ANK2: variants seen among roughly 807,000 people sequenced by gnomAD.
The protein encoded by ANK2 is ankyrin-2.
ANK2 carries 83 observed loss-of-function variants against 360.5 expected under a neutral mutation model. The observed-to-expected ratio is 0.23, with a 90% CI of 0.19 to 0.28. The LOEUF is 0.28. Ranked by LOEUF, ANK2 falls within the 10% of genes least tolerant of loss-of-function variation. The pLI, the probability that ANK2 is intolerant of heterozygous loss-of-function variation, is 1.00. For missense variants in ANK2, 4,201 were observed against 4,795.7 expected, an observed-to-expected ratio of 0.88 and a Z score of 3.66; for synonymous variants, 1,740 against 1,759.5, an observed-to-expected ratio of 0.99 and a Z score of 0.28.
At chr4:112,726,990 A>G in the ANK2 span, among the ~76,000 whole-genome samples, 1 of 152,022 alleles carries the variant, frequency 6.6e-6, no homozygotes, top group African/African-American at 2.4e-5. Flanking sequence ...GTTTATAAAT[A>G]TGTATCCATA....
upstream of ANK2, among the ~76,000 whole-genome samples, chr4:112,813,547 A>T (rs1233420183): frequency 6.8e-6 from 1 of 146,618 alleles, no homozygotes; most frequent in East Asian, 1.9e-4. Flanking sequence ...TTATTTATTT[A>T]TTTATTGAGA....
intron 1 of ANK2, among the ~76,000 whole-genome samples, chr4:113,163,967 A>G (rs114368577): frequency 0.036 from 5,473 of 151,970 alleles, 160 homozygotes; most frequent in Non-Finnish European, 0.054. Context: ...GTCATTCTCC[A>G]TTTCTCTACC....
chr4:112,815,560 A>T (rs2055569831), upstream of ANK2, among the ~76,000 whole-genome samples: 1 of 152,220 alleles, frequency 6.6e-6, no homozygotes, highest in Admixed American at 6.5e-5. Flanking sequence ...TGGTGGGGGC[A>T]GGGGCCTGCC....
chr4:113,348,711 A>C (rs1384699043), intron 36 of ANK2, among the ~76,000 whole-genome samples: 1 of 152,086 alleles, frequency 6.6e-6, no homozygotes, highest in Non-Finnish European at 1.5e-5. Context: ...TTAAACTTCT[A>C]TATCCTCACA....
intron 41 of ANK2, among the ~76,000 whole-genome samples, chr4:113,365,962 CT>C (rs1212179413): frequency 1.3e-5 from 2 of 152,100 alleles, no homozygotes; most frequent in African/African-American, 4.8e-5. Flanking sequence ...ATTTCATCTC[CT>C]TTTACTCAAT....
chr4:113,372,214 T>C (rs180829827), intron 43 of ANK2, among the ~76,000 whole-genome samples: 1 of 152,316 alleles, frequency 6.6e-6, no homozygotes, highest in Admixed American at 6.5e-5. Flanking sequence ...TCAGGCTTTT[T>C]TTTTAGGAGT....
intron 2 of ANK2, among the ~76,000 whole-genome samples, chr4:112,952,504 GA>G (rs2095089744): frequency 6.6e-6 from 1 of 152,162 alleles, no homozygotes; most frequent in South Asian, 2.1e-4. Flanking sequence ...AGCCATGAAA[GA>G]GACCATTCTT....
chr4:112,965,070 C>G (rs370120519), intron 2 of ANK2, among the ~76,000 whole-genome samples: 1 of 152,136 alleles, frequency 6.6e-6, no homozygotes, highest in East Asian at 1.9e-4. Context: ...TTTTGAGGAA[C>G]CTCCAAACTA....
chr4:113,167,595 C>T (rs547514866), intron 1 of ANK2, among the ~76,000 whole-genome samples: 3 of 152,124 alleles, frequency 2.0e-5, no homozygotes, highest in African/African-American at 7.2e-5. Context: ...CCACTGCGCC[C>T]GGCCAGGTCA....
chr4:113,353,409 T>C lies in ANK2; in HGVS notation c.4791T>C (p.Asp1597=), dbSNP rs760330010. Reference sequence around the variant, plus strand: ...AAGAGGAATGGGTTATTGTCAGTGATGAGGAAATAGAAGAGGCTAGGCAAA... The same window carrying C: ...AAGAGGAATGGGTTATTGTCAGTGACGAGGAAATAGAAGAGGCTAGGCAAA... ...LVEEEWVIVS[D]EEIEEARQKA... Residue 1597 remains aspartate, a synonymous_variant, in exon 38 of 46, where the codon GAT becomes GAC. Transcript: ENST00000357077. 13 of 1,613,974 alleles carry C rather than the reference T, an allele frequency of 8.1e-6. No individual in the cohort carries two copies. In the Admixed American group the frequency reaches 8.3e-5, roughly 10 times the overall value.
At chr4:113,362,404 G>A (rs1186613680) in intron 39 of ANK2, among the ~76,000 whole-genome samples, 1 of 152,072 alleles carries the variant, frequency 6.6e-6, no homozygotes, top group Non-Finnish European at 1.5e-5. Context: ...TAATGTATAA[G>A]CATCCATATG....
chr4:113,148,988 A>T (rs1280519734), intron 1 of ANK2: 1 of 152,232 alleles, frequency 6.6e-6, no homozygotes, highest in African/African-American at 2.4e-5. Flanking sequence ...AGAGCTCTAC[A>T]CCAGGAAATG....
At chr4:112,863,398 G>A (rs181978920) in intron 1 of ANK2, among the ~76,000 whole-genome samples, 2 of 151,326 alleles carry the variant, frequency 1.3e-5, no homozygotes, top group African/African-American at 2.4e-5. Flanking sequence ...TTTCTAATTC[G>A]ATGTAAGATG....
chr4:112,739,084 T>C, the ANK2 span: 5 of 528,360 alleles, frequency 9.5e-6, no homozygotes, highest in South Asian at 6.3e-5. Context: ...AATGCCAGGC[T>C]GTGCAGCAAA....
chr4:113,050,342 G>C (rs956933519), intron 1 of ANK2, among the ~76,000 whole-genome samples: 2 of 152,110 alleles, frequency 1.3e-5, no homozygotes, highest in African/African-American at 4.8e-5. Context: ...TCTTTGGCTT[G>C]CTTAGCTCCT....
At position 113,196,363 on chromosome 4, in the gene ANK2, C is replaced by T. The variant is rs2098748309; in HGVS notation, c.187-5C>T. On this transcript the variant is annotated splice_region_variant and splice_polypyrimidine_tract_variant and intron_variant, in intron 2 of 45. Transcript: ENST00000357077. Reference sequence around the variant, plus strand: ...TCTTAAAGCCTTGTTTGTTTCTTCTCTCAGAATGGACTCAACGCTCTCCAT... The same window carrying T: ...TCTTAAAGCCTTGTTTGTTTCTTCTTTCAGAATGGACTCAACGCTCTCCAT... 6.2e-7 allele frequency: 1 copy of T among 1,612,326 alleles called. No individual in the cohort carries two copies. The highest frequency in any genetic ancestry group is 2.2e-5 in the East Asian group (1 of 44,860).
rs2095630682 is a variant in ANK2, at chr4:113,354,642, T to C, written c.6024T>C (p.Thr2008=). The C allele has an allele frequency of 1.2e-6, 2 of 1,613,876 alleles. No individual in the cohort carries two copies. Among genetic ancestry groups the C allele is most frequent in the Admixed American group, 1.7e-5 (1 of 59,974 alleles). The change falls in exon 38 of 46, where the codon ACT becomes ACC. Residue 2008 remains threonine (T), a synonymous_variant. Transcript: ENST00000357077. ...GTCAGGACCCTTCTAAACATAAAAC[T>C]GGACTCTTTGAGCACAAATCAGCAA... ...QSGQDPSKHK[T]GLFEHKSAKQ... is the part of the protein sequence containing the mutation.
At chr4:113,033,010 G>A (rs1283111155) in intron 2 of ANK2, among the ~76,000 whole-genome samples, 1 of 152,048 alleles carries the variant, frequency 6.6e-6, no homozygotes, top group Non-Finnish European at 1.5e-5. Flanking sequence ...GTGCGTCCAT[G>A]TGGAATCACA....
chr4:113,373,633 G>A (rs2096823098), intron 45 of ANK2, 184 bp downstream of exon 45: 1 of 780,488 alleles, frequency 1.3e-6, no homozygotes, highest in East Asian at 2.4e-5. Context: ...CAGCCATCAG[G>A]GAGACTTGTA....
Sources: gnomAD v4.1 joint callset for allele counts (sites outside exome capture counted in the v4.1 genomes callset) on GRCh38, gnomAD v4.1.1 for gene constraint, MANE v1.5 for transcripts, NCBI Gene and HGNC (gene_info 2026-07-23, HGNC 2026-07-21) for gene names.